Variants in VTI1B observed in about 807,000 individuals in gnomAD.
VTI1B encodes vesicle transport through interaction with t-SNAREs homolog 1B.
Under a neutral mutation model 28.6 loss-of-function variants are expected in VTI1B, and 18 were observed. That is an observed-to-expected ratio of 0.63 (90% CI 0.43 to 0.93). VTI1B has a LOEUF of 0.93. Among genes scored for constraint, VTI1B ranks in the 40% least tolerant of loss-of-function variants. The pLI is 0.00. For synonymous variants in VTI1B, 100 were observed against 107.9 expected, an observed-to-expected ratio of 0.93 and a Z score of 0.46; for missense variants, 283 against 297.0, an observed-to-expected ratio of 0.95 and a Z score of 0.35.
intron 1 of VTI1B, chr14:67,662,943 C>T: frequency 7.8e-7 from 1 of 1,278,086 alleles, no homozygotes; most frequent in Non-Finnish European, 9.9e-7. Context: ...AATAGTGACT[C>T]TCTGAAACCC....
At position 67,648,427 on chromosome 14, in the gene VTI1B, CAATT is replaced by C. The variant is rs543228316; in HGVS notation, c.*2954_*2957del. The C allele has an allele frequency of 1.1e-3, 358 of 335,466 alleles. No homozygotes were observed. The highest frequency in any genetic ancestry group is 1.8e-3 in the Non-Finnish European group (328 of 186,078). The allele number at this position is 335,466 out of a possible 1,614,324, so 20.8% of individuals were successfully genotyped here. ...ATGAGTAAAAAATTGTATATTTAAACAATTAAATACAAGAATAAATTGTCAAACT... is the reference window on the plus strand; with the variant it reads ...ATGAGTAAAAAATTGTATATTTAAACAAATACAAGAATAAATTGTCAAACT... On this transcript the variant is annotated 3_prime_UTR_variant, in exon 6 of 6. Transcript: ENST00000554659.
In VTI1B at chr14:67,659,893, A is replaced by G; in HGVS notation, c.204T>C (p.Tyr68=). The part of the protein sequence containing the change: ...TLAEMEEELR[Y]APLSFRNPMM... ...TGGGGTTTCGGAAAGACAGGGGTGC[A>G]TAACGTAGCTCCTCCTCCATCTCTG... Residue 68 remains tyrosine (Y), a synonymous_variant, in exon 3 of 6, where the codon TAT becomes TAC. Transcript: ENST00000554659. The G allele has an allele frequency of 6.2e-7, 1 of 1,614,092 alleles. No homozygotes were observed. The highest frequency in any genetic ancestry group is 8.5e-7 in the Non-Finnish European group (1 of 1,179,990).
chr14:67,651,680 C>A, intron 5 of VTI1B, 199 bp from the exon 6 acceptor site: 3 of 451,340 alleles, frequency 6.6e-6, no homozygotes, highest in Admixed American at 4.0e-5. Flanking sequence ...AAATGTTAAA[C>A]TGAGACAATA....
At chr14:67,662,586 G>C in intron 1 of VTI1B, 51 bp from the exon 2 acceptor site, 1 of 1,507,636 alleles carries the variant, frequency 6.6e-7, no homozygotes, top group Non-Finnish European at 9.1e-7. Flanking sequence ...CCACACATTT[G>C]TAAAGGCCAT....
chr14:67,673,827 G>C (rs900473009), intron 1 of VTI1B, among the ~76,000 whole-genome samples: 5 of 152,104 alleles, frequency 3.3e-5, no homozygotes, highest in African/African-American at 1.2e-4. Flanking sequence ...GAAATTAAGG[G>C]GTAGTAAACA....
chr14:67,651,537 A>C, intron 5 of VTI1B, 56 bp from the exon 6 acceptor site: 2 of 1,594,162 alleles, frequency 1.3e-6, no homozygotes, highest in South Asian at 2.2e-5. Flanking sequence ...CTTCCTTCTA[A>C]ACATTTTGGG....
chr14:67,654,143 G>A (rs1049314285), intron 4 of VTI1B, among the ~76,000 whole-genome samples: 32 of 152,116 alleles, frequency 2.1e-4, no homozygotes, highest in Admixed American at 7.9e-4. Context: ...GTCTCACTCC[G>A]TCACTCAGGC....
At chr14:67,668,865 C>G (rs1415625058) in intron 1 of VTI1B, among the ~76,000 whole-genome samples, 1 of 152,072 alleles carries the variant, frequency 6.6e-6, no homozygotes, top group Non-Finnish European at 1.5e-5. Flanking sequence ...ACAATGAAAC[C>G]ACTGTCCTAG....
chr14:67,650,034 A>G lies in VTI1B; in HGVS notation c.*1351T>C, dbSNP rs1338810612. 1.3e-5 allele frequency: 2 copies of G among 152,338 alleles called. No homozygotes were observed. The highest frequency in any genetic ancestry group is 2.9e-5 in the Non-Finnish European group (2 of 68,170). The allele number at this position is 152,338 out of a possible 1,614,324, so 9.4% of individuals were successfully genotyped here. A position where few individuals can be genotyped will look rare whatever the true frequency, so the allele number is the denominator to read the frequency against. ...TTGACACAAGTTCTCAAACCTTAAC[A>G]GAAGGTAACTGAAGTCCAGATAAAA... On this transcript the variant is annotated 3_prime_UTR_variant, in exon 6 of 6. Transcript: ENST00000554659.
intron 1 of VTI1B, among the ~76,000 whole-genome samples, chr14:67,671,245 G>T (rs1346899625): frequency 6.6e-6 from 1 of 152,150 alleles, no homozygotes; most frequent in African/African-American, 2.4e-5. Context: ...GTATTTTGTG[G>T]TTGGGCGCAG....
At chr14:67,666,587 A>C (rs951878783) in intron 1 of VTI1B, among the ~76,000 whole-genome samples, 4 of 152,232 alleles carry the variant, frequency 2.6e-5, no homozygotes, top group African/African-American at 7.2e-5. Context: ...TCTCTACCCA[A>C]CTGAGAGGGA....
intron 5 of VTI1B, among the ~76,000 whole-genome samples, chr14:67,653,079 G>A (rs1448564245): frequency 2.0e-5 from 3 of 152,112 alleles, no homozygotes; most frequent in African/African-American, 7.2e-5. Context: ...ATGAGCCACC[G>A]CACGGGGCTG....
intron 1 of VTI1B, among the ~76,000 whole-genome samples, chr14:67,673,847 G>A (rs1030688262): frequency 6.6e-6 from 1 of 152,168 alleles, no homozygotes; most frequent in Non-Finnish European, 1.5e-5. Context: ...AGTCTCAGCT[G>A]TAAAAACGTT....
At chr14:67,661,529 CTTT>C (rs35440818) in intron 2 of VTI1B, among the ~76,000 whole-genome samples, 9 of 110,060 alleles carry the variant, frequency 8.2e-5, no homozygotes, top group Admixed American at 3.0e-4. Context: ...GAACAGTAAC[CTTT>C]TTTTTTTTTT....
In VTI1B at chr14:67,674,567, A is replaced by G. The variant is rs1476965723; in HGVS notation, c.-78T>C. On this transcript the variant is annotated 5_prime_UTR_variant, in exon 1 of 6. Coordinates refer to ENST00000554659, the MANE Select transcript of VTI1B (RefSeq NM_006370.3). ...TTCCTAGCCCGGCGGTCAGCCGCCCAGCCCAGTGGCCATAACGGCGACCGC... is the reference window on the plus strand; with the variant it reads ...TTCCTAGCCCGGCGGTCAGCCGCCCGGCCCAGTGGCCATAACGGCGACCGC... 1 of 1,288,848 alleles carries G rather than the reference A, an allele frequency of 7.8e-7. No individual in the cohort carries two copies. The highest frequency in any genetic ancestry group is 1.0e-6 in the Non-Finnish European group (1 of 975,158). 79.8% of individuals were successfully genotyped at this position (1,288,848 alleles called of 1,614,324 possible). A position where few individuals can be genotyped will look rare whatever the true frequency, so the allele number is the denominator to read the frequency against.
At position 67,650,970 on chromosome 14, in the gene VTI1B, G is replaced by A. The variant is rs780331868; in HGVS notation, c.*415C>T. 3.9e-6 allele frequency: 6 copies of A among 1,541,920 alleles called. No individual in the cohort carries two copies. The South Asian group carries it at 6.8e-5, about 17-fold the overall frequency. On this transcript the variant is annotated 3_prime_UTR_variant, in exon 6 of 6. Transcript: ENST00000554659. ...CACAACAGGCATTCCAGAATTATGA[G>A]GCATTGAGGGGATAGATGAATACTA...
In VTI1B at chr14:67,648,172, T is replaced by C. The variant is rs918426891; in HGVS notation, c.*3213A>G. ...GAAGGCATGTATATTGCTGAGGAAA[T>C]ACACAATACAGGTATGTAGCAACCA... On this transcript the variant is annotated 3_prime_UTR_variant, in exon 6 of 6. Transcript: ENST00000554659. 2 of 1,613,706 alleles carry C rather than the reference T, an allele frequency of 1.2e-6. No individual in the cohort carries two copies. The highest frequency in any genetic ancestry group is 2.7e-5 in the African/African-American group (2 of 74,910).
At chr14:67,666,709 G>C (rs1241587281) in intron 1 of VTI1B, among the ~76,000 whole-genome samples, 1 of 152,164 alleles carries the variant, frequency 6.6e-6, no homozygotes, top group Admixed American at 6.5e-5. Context: ...CTTTACCACT[G>C]AGGACACTAG....
chr14:67,658,726 C>T (rs2037298521), intron 3 of VTI1B, among the ~76,000 whole-genome samples: 1 of 152,256 alleles, frequency 6.6e-6, no homozygotes, highest in Non-Finnish European at 1.5e-5. Flanking sequence ...ACCTGCCTGC[C>T]TGTTTCCAGT....
Sources: gnomAD v4.1 joint callset for allele counts (sites outside exome capture counted in the v4.1 genomes callset) on GRCh38, gnomAD v4.1.1 for gene constraint, MANE v1.5 for transcripts, NCBI Gene and HGNC (gene_info 2026-07-23, HGNC 2026-07-21) for gene names.